Variants in NBEA observed in about 807,000 individuals in gnomAD.
NBEA encodes the protein lysosomal-trafficking regulator 2.
A neutral mutation model predicts 343.4 loss-of-function variants in NBEA; 44 were observed. The observed-to-expected ratio is 0.13, with a 90% CI of 0.10 to 0.16. The LOEUF (loss-of-function observed/expected upper bound fraction) is 0.16. Ranked by LOEUF, NBEA falls within the 10% of genes least tolerant of loss-of-function variation. NBEA has a pLI of 1.00. For missense variants in NBEA, 2,555 were observed against 3,631.3 expected, an observed-to-expected ratio of 0.70 and a Z score of 7.62; for synonymous variants, 1,175 against 1,238.7, an observed-to-expected ratio of 0.95 and a Z score of 1.08.
chr13:35,377,844 A>G (rs2041825927), intron 38 of NBEA, among the ~76,000 whole-genome samples: 1 of 152,154 alleles, frequency 6.6e-6, no homozygotes, highest in South Asian at 2.1e-4. Context: ...ATCAAAACAA[A>G]TAGACCATAA....
intron 36 of NBEA, among the ~76,000 whole-genome samples, chr13:35,320,267 G>A (rs763688623): frequency 1.1e-4 from 16 of 152,016 alleles, no homozygotes; most frequent in African/African-American, 2.4e-4. Flanking sequence ...TGTTTCCTTC[G>A]GGAGCTCTTG....
chr13:35,011,972 A>G (rs753533435), intron 1 of NBEA, among the ~76,000 whole-genome samples: 4 of 152,212 alleles, frequency 2.6e-5, no homozygotes, highest in Non-Finnish European at 4.4e-5. Flanking sequence ...TCTGTTTATC[A>G]GTGCATAGTG....
At chr13:35,194,805 A>AT (rs554955067) in intron 30 of NBEA, among the ~76,000 whole-genome samples, 4 of 151,976 alleles carry the variant, frequency 2.6e-5, no homozygotes, top group Non-Finnish European at 5.9e-5. Context: ...CATTTTAAAG[A>AT]TTTTTTTATT....
chr13:35,581,542 G>A (rs2081035882), intron 45 of NBEA, among the ~76,000 whole-genome samples: 1 of 151,884 alleles, frequency 6.6e-6, no homozygotes, highest in African/African-American at 2.4e-5. Context: ...AGATGAGTAG[G>A]TTGCGGAGCC....
intron 18 of NBEA, among the ~76,000 whole-genome samples, chr13:35,146,441 G>A (rs2068430237): frequency 6.6e-6 from 1 of 152,092 alleles, no homozygotes; most frequent in South Asian, 2.1e-4. Flanking sequence ...TAGTTGTGAG[G>A]ACCATGCTTT....
chr13:35,009,751 C>T (rs930376235), intron 1 of NBEA, among the ~76,000 whole-genome samples: 4 of 152,068 alleles, frequency 2.6e-5, no homozygotes, highest in Non-Finnish European at 4.4e-5. Context: ...AGGGTGGATG[C>T]AGAGACACCA....
intron 17 of NBEA, among the ~76,000 whole-genome samples, chr13:35,140,132 C>A (rs1287967573): frequency 6.6e-6 from 1 of 151,802 alleles, no homozygotes; most frequent in Non-Finnish European, 1.5e-5. Context: ...TTCTCCCCTT[C>A]TTGAGTAACT....
chr13:35,567,069 T>C (rs907633455), intron 45 of NBEA, 52 bp downstream of exon 45: 2 of 957,190 alleles, frequency 2.1e-6, no homozygotes, highest in Non-Finnish European at 1.7e-6. Flanking sequence ...TATAGTCTAA[T>C]AGTATTTCTG....
chr13:35,272,382 T>A (rs564169818), intron 34 of NBEA, among the ~76,000 whole-genome samples: 12 of 152,220 alleles, frequency 7.9e-5, no homozygotes, highest in African/African-American at 2.9e-4. Flanking sequence ...GAACAACCGG[T>A]ACCAGCCACT....
At chr13:35,282,323 T>C (rs184337088) in intron 34 of NBEA, among the ~76,000 whole-genome samples, 298 of 152,308 alleles carry the variant, frequency 2.0e-3, no homozygotes, top group African/African-American at 6.5e-3. Context: ...TTTTGATTAT[T>C]AATATTTCTT....
chr13:35,197,137 A>G (rs1203063191), intron 31 of NBEA, among the ~76,000 whole-genome samples: 2 of 152,192 alleles, frequency 1.3e-5, no homozygotes, highest in Non-Finnish European at 2.9e-5. Flanking sequence ...CTAATTACTA[A>G]CAGTAGTACT....
chr13:35,206,145 T>C (rs1289583657), intron 31 of NBEA, among the ~76,000 whole-genome samples: 1 of 152,134 alleles, frequency 6.6e-6, no homozygotes, highest in Non-Finnish European at 1.5e-5. Context: ...AAGTCATAAT[T>C]ATGGGATTTA....
At chr13:35,230,019 A>G (rs2074880158) in intron 33 of NBEA, among the ~76,000 whole-genome samples, 1 of 152,144 alleles carries the variant, frequency 6.6e-6, no homozygotes, top group Non-Finnish European at 1.5e-5. Flanking sequence ...TGAGTAAAAT[A>G]TTATATTCTT....
intron 38 of NBEA, among the ~76,000 whole-genome samples, chr13:35,403,810 GA>G (rs1442254716): frequency 1.3e-5 from 2 of 152,088 alleles, no homozygotes; most frequent in Non-Finnish European, 2.9e-5. Context: ...CCATCAGAGT[GA>G]AAAGGCAACC....
chr13:35,243,823 T>G (rs2030741233), intron 34 of NBEA, among the ~76,000 whole-genome samples: 1 of 151,868 alleles, frequency 6.6e-6, no homozygotes, highest in Admixed American at 6.6e-5. Context: ...TATCCCAATT[T>G]CAGTAATGGA....
intron 18 of NBEA, among the ~76,000 whole-genome samples, chr13:35,145,402 C>T (rs971048792): frequency 6.6e-6 from 1 of 152,128 alleles, no homozygotes; most frequent in African/African-American, 2.4e-5. Flanking sequence ...GAAGTCTGGG[C>T]CCTGGGTGGA....
At chr13:35,401,299 C>T (rs1248854072) in intron 38 of NBEA, among the ~76,000 whole-genome samples, 1 of 151,944 alleles carries the variant, frequency 6.6e-6, no homozygotes, top group Non-Finnish European at 1.5e-5. Context: ...GGTGGCATGA[C>T]TGAGCTAACG....
chr13:35,366,520 T>G (rs533420035), intron 38 of NBEA, among the ~76,000 whole-genome samples: 17 of 150,186 alleles, frequency 1.1e-4, no homozygotes, highest in African/African-American at 4.2e-4. Context: ...GAAGTTAGGG[T>G]TTTTTTTGCA....
At chr13:35,445,259 TTC>T (rs2045940496) in intron 39 of NBEA, among the ~76,000 whole-genome samples, 1 of 152,156 alleles carries the variant, frequency 6.6e-6, no homozygotes, top group Non-Finnish European at 1.5e-5. Context: ...ATTAACTATG[TTC>T]TTTTTCAGTT....
Sources: gnomAD v4.1 joint callset for allele counts (sites outside exome capture counted in the v4.1 genomes callset) on GRCh38, gnomAD v4.1.1 for gene constraint, MANE v1.5 for transcripts, NCBI Gene and HGNC (gene_info 2026-07-23, HGNC 2026-07-21) for gene names.